MRTFB: variants seen among roughly 807,000 people sequenced by gnomAD.
MRTFB encodes myocardin related transcription factor B, also known as myocardin-related transcription factor B.
MRTFB carries 29 observed loss-of-function variants against 104.2 expected under a neutral mutation model. The ratio of observed to expected loss-of-function variants is 0.28; its 90% CI spans 0.21 to 0.38. The LOEUF (loss-of-function observed/expected upper bound fraction) is 0.38. Among genes scored for constraint, MRTFB ranks in the 10% least tolerant of loss-of-function variants. MRTFB has a pLI of 1.00. For missense variants in MRTFB, 1,270 were observed against 1,341.6 expected, an observed-to-expected ratio of 0.95 and a Z score of 0.83; for synonymous variants, 535 against 519.5, an observed-to-expected ratio of 1.03 and a Z score of -0.41.
chr16:14,143,812 T>C (rs942438442), intron 3 of MRTFB: 6 of 152,150 alleles, frequency 3.9e-5, no homozygotes, highest in Non-Finnish European at 8.8e-5. Context: ...CTAGTTTCTG[T>C]TTTAGAATTT....
Position 14,260,900 on chromosome 16 carries a change from T to C in MRTFB, c.2765-9T>C, listed in dbSNP as rs749110663. 4.4e-6 allele frequency: 7 copies of C among 1,578,850 alleles called. No homozygotes were observed. In the South Asian group the frequency reaches 8.2e-5, roughly 18 times the overall value. ...TTCAGTTACTAATTACTTCATTTAT[T>C]TTACACAGAGATCTCCCTCCCCATA... On this transcript the variant is annotated splice_polypyrimidine_tract_variant and intron_variant, in intron 16 of 16. Coordinates refer to ENST00000571589, the MANE Select transcript of MRTFB (RefSeq NM_001308142.2).
intron 3 of MRTFB, among the ~76,000 whole-genome samples, chr16:14,161,628 A>G (rs1232163844): frequency 6.6e-6 from 1 of 152,198 alleles, no homozygotes; most frequent in African/African-American, 2.4e-5. Context: ...GTGTACCAAA[A>G]GACATCACTG....
chr16:14,245,671 C>G lies in MRTFB; in HGVS notation c.1212+11C>G, dbSNP rs1426684468. Reference sequence around the variant, plus strand: ...CTGGATGACTTAAAGGTGACAATTGCAACTGGAGCTTATTCACCCCTAAGT... The same window carrying G: ...CTGGATGACTTAAAGGTGACAATTGGAACTGGAGCTTATTCACCCCTAAGT... On this transcript the variant is annotated intron_variant, in intron 11 of 16. Transcript: ENST00000571589. 1.2e-6 allele frequency: 2 copies of G among 1,603,962 alleles called. No homozygotes were observed. The highest frequency in any genetic ancestry group is 3.5e-5 in the Admixed American group (2 of 57,170).
intron 3 of MRTFB, among the ~76,000 whole-genome samples, chr16:14,162,858 T>C (rs2039094029): frequency 6.6e-6 from 1 of 152,228 alleles, no homozygotes; most frequent in Non-Finnish European, 1.5e-5. Flanking sequence ...TTATGATGTG[T>C]ACCTTTCTGC....
intron 10 of MRTFB, among the ~76,000 whole-genome samples, chr16:14,242,710 T>A (rs190657257): frequency 6.6e-6 from 1 of 152,212 alleles, no homozygotes; most frequent in Admixed American, 6.5e-5. Flanking sequence ...CGCAGGTCTC[T>A]CATCTGCCGA....
intron 3 of MRTFB, among the ~76,000 whole-genome samples, chr16:14,144,961 AAT>A (rs1349231967): frequency 4.3e-5 from 6 of 139,634 alleles, no homozygotes; most frequent in African/African-American, 1.8e-4. Context: ...AAAAAAAAAA[AAT>A]AAATAAATAT....
chr16:14,131,985 C>A (rs6498503), intron 2 of MRTFB, among the ~76,000 whole-genome samples: 2 of 151,922 alleles, frequency 1.3e-5, no homozygotes, highest in South Asian at 4.1e-4. Flanking sequence ...TGAACTCATT[C>A]CATAGCAACA....
At chr16:14,109,558 A>G (rs529399003) in intron 2 of MRTFB, among the ~76,000 whole-genome samples, 1 of 152,298 alleles carries the variant, frequency 6.6e-6, no homozygotes, top group South Asian at 2.1e-4. Flanking sequence ...CACTCTAAAT[A>G]GCTATTTTAA....
chr16:14,154,315 CAG>C (rs2038742782), intron 3 of MRTFB, among the ~76,000 whole-genome samples: 1 of 152,092 alleles, frequency 6.6e-6, no homozygotes, highest in Non-Finnish European at 1.5e-5. Context: ...AGCCTGGTGA[CAG>C]AGCGAGACTC....
At chr16:14,106,598 A>G (rs1394353055) in intron 2 of MRTFB, among the ~76,000 whole-genome samples, 1 of 152,224 alleles carries the variant, frequency 6.6e-6, no homozygotes, top group Admixed American at 6.5e-5. Context: ...TGTAAAGGGT[A>G]GAGCTCAAAG....
At chr16:14,248,837 C>G in intron 12 of MRTFB, 89 bp from the exon 13 acceptor site, 1 of 1,398,804 alleles carries the variant, frequency 7.1e-7, no homozygotes, top group South Asian at 1.3e-5. Context: ...GATACAATCC[C>G]CAAGTGACCA....
chr16:14,243,461 T>G (rs2042869987), intron 10 of MRTFB, among the ~76,000 whole-genome samples: 1 of 152,172 alleles, frequency 6.6e-6, no homozygotes, highest in Admixed American at 6.5e-5. Flanking sequence ...CACCAAGGCT[T>G]TGTGTGATAA....
intron 3 of MRTFB, among the ~76,000 whole-genome samples, chr16:14,192,317 T>C (rs1433007808): frequency 6.6e-6 from 1 of 152,122 alleles, no homozygotes; most frequent in Non-Finnish European, 1.5e-5. Context: ...GAGGCTGCAG[T>C]AAGCTGTGAT....
At chr16:14,225,259 C>T (rs1413121026) in intron 8 of MRTFB, among the ~76,000 whole-genome samples, 3 of 152,122 alleles carry the variant, frequency 2.0e-5, no homozygotes, top group Non-Finnish European at 4.4e-5. Context: ...TGTAACTCTA[C>T]TTTTTTTCCT....
Position 14,177,808 on chromosome 16 carries a change from A to AC in MRTFB, c.155-32434dup, listed in dbSNP as rs372865936. Among the ~76,000 whole-genome samples, 29 of 152,200 alleles carry AC rather than the reference A, an allele frequency of 1.9e-4. No individual in the cohort carries two copies. The highest frequency in any genetic ancestry group is 5.8e-4 in the African/African-American group (24 of 41,534). On this transcript the variant is annotated intron_variant, in intron 3 of 16. Transcript: ENST00000571589. The surrounding 1 kb of genome is among the most constrained non-coding windows in gnomAD (Gnocchi z 4.7). ...ACTGTACTCCAGCCTGGACAACAGA[A>AC]CAAGTCTCTGTCTTGAAAAAAAGAA...
intron 2 of MRTFB, among the ~76,000 whole-genome samples, chr16:14,092,288 G>C (rs2035123577): frequency 6.6e-6 from 1 of 152,162 alleles, no homozygotes; most frequent in Non-Finnish European, 1.5e-5. Flanking sequence ...TTGGCGCATA[G>C]TGGGTGTACA....
the MRTFB span, among the ~76,000 whole-genome samples, chr16:14,040,683 G>C: frequency 2.6e-5 from 4 of 152,072 alleles, no homozygotes; most frequent in Non-Finnish European, 5.9e-5. Flanking sequence ...GGCTGGTACT[G>C]AACCTCTGAC....
chr16:13,999,927 G>T, the MRTFB span, among the ~76,000 whole-genome samples: 1 of 152,214 alleles, frequency 6.6e-6, no homozygotes, highest in Non-Finnish European at 1.5e-5. Flanking sequence ...TTTCTAGGAG[G>T]AAGTAAGCCT....
intron 2 of MRTFB, among the ~76,000 whole-genome samples, chr16:14,098,365 C>T (rs889165395): frequency 2.0e-5 from 3 of 152,024 alleles, no homozygotes; most frequent in Non-Finnish European, 4.4e-5. Flanking sequence ...TACTTATTTG[C>T]CAATAGTTGG....
Sources: allele counts gnomAD v4.1 joint callset (sites outside exome capture counted in the v4.1 genomes callset), GRCh38; gene constraint gnomAD v4.1.1; non-coding constraint Gnocchi (gnomAD v3.1); transcripts MANE v1.5; gene names NCBI Gene and HGNC (gene_info 2026-07-23, HGNC 2026-07-21).